The following MEIS2 variants were observed in gnomAD, a reference collection of about 807,000 sequenced individuals.
MEIS2 encodes Meis homeobox 2, also known as homeobox protein Meis2.
Under a neutral mutation model 58.6 loss-of-function variants are expected in MEIS2, and 9 were observed. The observed-to-expected ratio is 0.15, with a 90% CI of 0.09 to 0.27. The LOEUF is 0.27. Among genes scored for constraint, MEIS2 ranks in the 10% least tolerant of loss-of-function variants. The probability of loss-of-function intolerance (pLI) is 1.00; values close to 1 mark genes in which losing one functional copy is unlikely to be tolerated. For missense variants in MEIS2, 427 were observed against 635.0 expected (o/e 0.67, Z 3.52); for synonymous variants, 221 against 228.4 (o/e 0.97, Z 0.29).
chr15:36,965,187 A>G (rs1468522966), intron 8 of MEIS2, among the ~76,000 whole-genome samples: 2 of 152,168 alleles, frequency 1.3e-5, no homozygotes, highest in African/African-American at 4.8e-5. Flanking sequence ...CAAAATCTTC[A>G]TTCTTATTCT....
chr15:37,033,029 T>C (rs965932073), intron 8 of MEIS2, among the ~76,000 whole-genome samples: 1 of 152,208 alleles, frequency 6.6e-6, no homozygotes, highest in East Asian at 1.9e-4. Context: ...TTTTAACTGT[T>C]ACAGTTGGAG....
Position 37,089,802 on chromosome 15 carries a change from ACTTTACATGTAATAT to A in MEIS2, c.639+3764_639+3778del, listed in dbSNP as rs560489793. 6.7e-3 allele frequency among the ~76,000 whole-genome samples: 1,021 copies of A among 152,252 alleles called. 14 individuals are homozygous for A. Among genetic ancestry groups the A allele is most frequent in the Middle Eastern group, 0.014 (4 of 294 alleles). On this transcript the variant is annotated intron_variant, in intron 6 of 11. Transcript: ENST00000561208. ...AAGCAAGTAGATTTCATTTGTCTGA[ACTTTACATGTAATAT>A]CTTTACATGTAATATCTTTACATGT...
chr15:36,982,282 A>T (rs1303374460), intron 8 of MEIS2, among the ~76,000 whole-genome samples: 2 of 152,086 alleles, frequency 1.3e-5, no homozygotes, highest in Non-Finnish European at 1.5e-5. Flanking sequence ...CTCCAAACTT[A>T]CTCATTCAGC....
At chr15:37,101,257 G>A (rs955494846), upstream of MEIS2, 2 of 152,340 alleles carry the variant, frequency 1.3e-5, no homozygotes, top group Non-Finnish European at 2.9e-5. Context: ...GGAATCGGGA[G>A]GGAGGAAGTG....
chr15:37,047,899 A>T (rs2062740243), intron 7 of MEIS2, among the ~76,000 whole-genome samples: 1 of 152,206 alleles, frequency 6.6e-6, no homozygotes, highest in Non-Finnish European at 1.5e-5. Context: ...TGTAACTGTA[A>T]ATATAAATAG....
intron 9 of MEIS2, among the ~76,000 whole-genome samples, chr15:36,919,439 G>A (rs1278562559): frequency 2.0e-5 from 3 of 151,988 alleles, no homozygotes; most frequent in Admixed American, 6.6e-5. Flanking sequence ...TTAGCTGGGC[G>A]TGGTGGCACA....
At chr15:37,051,109 A>G (rs2062899813) in intron 7 of MEIS2, among the ~76,000 whole-genome samples, 1 of 152,206 alleles carries the variant, frequency 6.6e-6, no homozygotes, top group Non-Finnish European at 1.5e-5. Flanking sequence ...CTTTGTACCC[A>G]ATGCTTTATA....
chr15:37,034,930 T>G (rs2062088881), intron 8 of MEIS2, among the ~76,000 whole-genome samples: 1 of 152,160 alleles, frequency 6.6e-6, no homozygotes, highest in African/African-American at 2.4e-5. Flanking sequence ...CCTTTTTGGG[T>G]CTCTGTTTCC....
intron 7 of MEIS2, among the ~76,000 whole-genome samples, chr15:37,079,552 T>A (rs1891918470): frequency 7.1e-6 from 1 of 141,770 alleles, no homozygotes; most frequent in Non-Finnish European, 1.6e-5. Context: ...GGGAAAAAAA[T>A]ACTATTTTAT....
intron 9 of MEIS2, among the ~76,000 whole-genome samples, chr15:36,901,640 G>C (rs2056478624): frequency 3.3e-5 from 5 of 152,020 alleles, no homozygotes; most frequent in Admixed American, 3.3e-4. Context: ...TACTAGATTT[G>C]CCTACACCTT....
intron 7 of MEIS2, among the ~76,000 whole-genome samples, chr15:37,071,591 A>G (rs140563345): frequency 2.1e-4 from 32 of 152,276 alleles, no homozygotes; most frequent in Admixed American, 5.2e-4. Context: ...CTTACTATGA[A>G]TGAGGCATAA....
intron 9 of MEIS2, among the ~76,000 whole-genome samples, chr15:36,909,621 G>A (rs1235607105): frequency 6.6e-6 from 1 of 152,138 alleles, no homozygotes; most frequent in African/African-American, 2.4e-5. Flanking sequence ...AACAACTCAA[G>A]ATACAGACTA....
chr15:37,001,823 T>C (rs1487593533), intron 8 of MEIS2, among the ~76,000 whole-genome samples: 1 of 152,232 alleles, frequency 6.6e-6, no homozygotes, highest in Non-Finnish European at 1.5e-5. Context: ...AGAGGTTCGA[T>C]ATACAAATTA....
At chr15:36,979,419 G>A (rs538365302) in intron 8 of MEIS2, among the ~76,000 whole-genome samples, 1 of 152,198 alleles carries the variant, frequency 6.6e-6, no homozygotes, top group East Asian at 1.9e-4. Flanking sequence ...TAATATGAAA[G>A]TGTCCCTCTC....
At chr15:37,049,712 T>C (rs1391129270) in intron 7 of MEIS2, among the ~76,000 whole-genome samples, 1 of 151,840 alleles carries the variant, frequency 6.6e-6, no homozygotes, top group Non-Finnish European at 1.5e-5. Flanking sequence ...GGTCTCGAAC[T>C]CCTGAGCTCA....
chr15:36,939,063 C>T (rs2058281608), intron 9 of MEIS2, among the ~76,000 whole-genome samples: 1 of 152,152 alleles, frequency 6.6e-6, no homozygotes, highest in Non-Finnish European at 1.5e-5. Flanking sequence ...ACTCAATTTC[C>T]CTACTTCCAT....
chr15:36,910,672 G>A (rs2056967029), intron 9 of MEIS2, among the ~76,000 whole-genome samples: 1 of 152,130 alleles, frequency 6.6e-6, no homozygotes, highest in Non-Finnish European at 1.5e-5. Context: ...TATCTAACCT[G>A]TTCATAAGTA....
intron 9 of MEIS2, among the ~76,000 whole-genome samples, chr15:36,916,151 G>A (rs1005855755): frequency 6.6e-6 from 1 of 150,824 alleles, no homozygotes; most frequent in Non-Finnish European, 1.5e-5. Context: ...TCTCAGGCTG[G>A]GCGCAGTGGC....
intron 8 of MEIS2, among the ~76,000 whole-genome samples, chr15:36,991,273 A>G (rs2060264578): frequency 6.6e-6 from 1 of 151,718 alleles, no homozygotes. Context: ...TTTTTGTGCA[A>G]ACTCAAAGGA....
Sources: gnomAD v4.1 joint callset for allele counts (sites outside exome capture counted in the v4.1 genomes callset) on GRCh38, gnomAD v4.1.1 for gene constraint, MANE v1.5 for transcripts, NCBI Gene and HGNC (gene_info 2026-07-23, HGNC 2026-07-21) for gene names.